The following ARFIP1 variants were observed in gnomAD, a reference collection of about 807,000 sequenced individuals.
ARFIP1 encodes arfaptin-1.
A neutral mutation model predicts 42.5 loss-of-function variants in ARFIP1; 24 were observed. The observed-to-expected ratio is 0.57, with a 90% CI of 0.41 to 0.80. The LOEUF is 0.80. Ranked by LOEUF, ARFIP1 falls within the 30% of genes least tolerant of loss-of-function variation. The pLI is 0.00. For synonymous variants in ARFIP1, 141 were observed against 153.7 expected (o/e 0.92, Z 0.61); for missense variants, 354 against 434.0 (o/e 0.82, Z 1.64).
chr4:152,827,756 G>T (rs1228519611), intron 1 of ARFIP1, among the ~76,000 whole-genome samples: 2 of 152,114 alleles, frequency 1.3e-5, no homozygotes, highest in Non-Finnish European at 2.9e-5. Context: ...GCTCACAGCA[G>T]CCTCTACCTC....
intron 2 of ARFIP1, among the ~76,000 whole-genome samples, chr4:152,855,173 G>C (rs1733322934): frequency 1.3e-5 from 2 of 152,186 alleles, no homozygotes; most frequent in South Asian, 4.1e-4. Context: ...TAGCAGCTGA[G>C]TGGGTAGTCC....
chr4:152,904,149 A>G (rs1001429169), intron 8 of ARFIP1, among the ~76,000 whole-genome samples: 6 of 148,896 alleles, frequency 4.0e-5, no homozygotes, highest in Non-Finnish European at 5.9e-5. Context: ...GCACCTATCA[A>G]CCCATCACCT....
intron 1 of ARFIP1, among the ~76,000 whole-genome samples, chr4:152,826,474 G>C (rs1214875917): frequency 5.3e-5 from 8 of 152,132 alleles, no homozygotes; most frequent in Non-Finnish European, 1.2e-4. Flanking sequence ...ACTCAGAAGA[G>C]GGGAGGGTGC....
chr4:152,887,411 A>G (rs1446719268), intron 7 of ARFIP1, among the ~76,000 whole-genome samples: 1 of 152,068 alleles, frequency 6.6e-6, no homozygotes, highest in Non-Finnish European at 1.5e-5. Context: ...GTTGTCAAGT[A>G]TAGTAGCCAC....
At chr4:152,830,553 T>C (rs1179767736) in intron 2 of ARFIP1, among the ~76,000 whole-genome samples, 1 of 152,208 alleles carries the variant, frequency 6.6e-6, no homozygotes, top group African/African-American at 2.4e-5. Context: ...TAAATTATTA[T>C]GTAGTTTAAA....
rs543520431 is a variant in ARFIP1, at chr4:152,866,581, C to T, written c.202+2867C>T. ...CTCCCTCCTGGACGGGGCGGCTGGC[C>T]GGGCGGGGGCTGACCCCCACCTCTC... On this transcript the variant is annotated intron_variant, in intron 3 of 8. Coordinates refer to ENST00000353617, the MANE Select transcript of ARFIP1 (RefSeq NM_001025595.3). Among the ~76,000 whole-genome samples the T allele has an allele frequency of 6.6e-5, 10 of 150,602 alleles. No homozygotes were observed. In the South Asian group the frequency reaches 1.3e-3, roughly 19 times the overall value.
intron 8 of ARFIP1, among the ~76,000 whole-genome samples, chr4:152,902,069 A>G (rs980960789): frequency 4.6e-5 from 7 of 152,256 alleles, no homozygotes; most frequent in Admixed American, 4.6e-4. Flanking sequence ...AATAGGTGAA[A>G]GGACATACTT....
At chr4:152,796,447 C>A in intron 1 of ARFIP1, 1 of 740,346 alleles carries the variant, frequency 1.4e-6, no homozygotes. Context: ...TAACTTAATG[C>A]TTCTGTTTCT....
intron 2 of ARFIP1, among the ~76,000 whole-genome samples, chr4:152,857,186 A>G (rs1316717846): frequency 6.6e-6 from 1 of 152,242 alleles, no homozygotes; most frequent in African/African-American, 2.4e-5. Flanking sequence ...GTTTTAAGTG[A>G]TATTAGGAAA....
intron 1 of ARFIP1, among the ~76,000 whole-genome samples, chr4:152,819,763 G>C (rs546141685): frequency 1.3e-5 from 2 of 152,302 alleles, no homozygotes; most frequent in Admixed American, 6.5e-5. Context: ...ACAAAGTGCA[G>C]CTCTACCTCA....
intron 1 of ARFIP1, among the ~76,000 whole-genome samples, chr4:152,804,222 T>C (rs185457651): frequency 0.017 from 822 of 48,130 alleles, 94 homozygotes; most frequent in South Asian, 0.034. Context: ...TTATATATAA[T>C]ATAACATGTA....
intron 2 of ARFIP1, among the ~76,000 whole-genome samples, chr4:152,858,615 AG>A (rs1387976742): frequency 1.3e-5 from 2 of 152,218 alleles, no homozygotes. Context: ...TAAATCCTTT[AG>A]TTCATTCAAC....
intron 1 of ARFIP1, among the ~76,000 whole-genome samples, chr4:152,784,631 A>G (rs780597497): frequency 2.0e-5 from 3 of 152,244 alleles, no homozygotes; most frequent in Non-Finnish European, 4.4e-5. Flanking sequence ...ATTGAGACAT[A>G]CAAAAATGAA....
chr4:152,798,861 A>G (rs776312039), intron 1 of ARFIP1, among the ~76,000 whole-genome samples: 6 of 152,226 alleles, frequency 3.9e-5, no homozygotes, highest in Non-Finnish European at 8.8e-5. Context: ...ACAAAAATAG[A>G]AACAGAAATA....
chr4:152,802,782 G>A (rs1235159847), intron 1 of ARFIP1, among the ~76,000 whole-genome samples: 1 of 152,028 alleles, frequency 6.6e-6, no homozygotes, highest in Non-Finnish European at 1.5e-5. Context: ...ACTTATTTCT[G>A]GTGTGCCTTT....
chr4:152,809,428 A>T (rs2149831410), intron 1 of ARFIP1, among the ~76,000 whole-genome samples: 1 of 152,338 alleles, frequency 6.6e-6, no homozygotes, highest in Middle Eastern at 3.4e-3. Flanking sequence ...GGAATGAACT[A>T]CTGATGCATG....
At chr4:152,848,040 A>AC (rs1393774559) in intron 2 of ARFIP1, among the ~76,000 whole-genome samples, 6 of 151,676 alleles carry the variant, frequency 4.0e-5, no homozygotes, top group Non-Finnish European at 7.4e-5. Context: ...AGTCTTAAGA[A>AC]CCCCCCACCT....
At chr4:152,828,803 C>A (rs73865252) in intron 1 of ARFIP1, among the ~76,000 whole-genome samples, 3 of 152,158 alleles carry the variant, frequency 2.0e-5, no homozygotes, top group Admixed American at 6.5e-5. Flanking sequence ...ACCATACCCA[C>A]GGTCATCTAG....
chr4:152,903,839 ACTTGGGGGT>A (rs1738055411), intron 8 of ARFIP1, among the ~76,000 whole-genome samples: 2 of 151,748 alleles, frequency 1.3e-5, no homozygotes, highest in Non-Finnish European at 2.9e-5. Flanking sequence ...TTAGTCAGCT[ACTTGGGGGT>A]GGGGAAACAA....
Sources: allele counts gnomAD v4.1 joint callset (sites outside exome capture counted in the v4.1 genomes callset), GRCh38; gene constraint gnomAD v4.1.1; transcripts MANE v1.5; gene names NCBI Gene and HGNC (gene_info 2026-07-23, HGNC 2026-07-21).